BRWD1: variants seen among roughly 807,000 people sequenced by gnomAD.
The protein encoded by BRWD1 is bromodomain and WD repeat domain containing 1.
A neutral mutation model predicts 251.2 loss-of-function variants in BRWD1; 82 were observed. The ratio of observed to expected loss-of-function variants is 0.33; its 90% confidence interval spans 0.27 to 0.39. BRWD1 has a LOEUF of 0.39. Ranked by LOEUF, BRWD1 falls within the 10% of genes least tolerant of loss-of-function variation. The pLI is 1.00. For missense variants in BRWD1, 2,233 were observed against 2,711.6 expected (o/e 0.82, Z 3.92); for synonymous variants, 918 against 902.8 (o/e 1.02, Z -0.30).
chr21:39,317,725 A>C (rs1264359501), upstream of BRWD1, among the ~76,000 whole-genome samples: 1 of 152,218 alleles, frequency 6.6e-6, no homozygotes. Context: ...TACCGCAGGC[A>C]ACTCTTAGAT....
chr21:39,227,669 T>A (rs1054404887), intron 27 of BRWD1, among the ~76,000 whole-genome samples: 2 of 152,214 alleles, frequency 1.3e-5, no homozygotes, highest in African/African-American at 4.8e-5. Flanking sequence ...GCAAAGTGTA[T>A]ATGAATTTTT....
Position 39,199,029 on chromosome 21 carries a change from C to T in BRWD1, c.5387G>A (p.Gly1796Glu). The T allele has an allele frequency of 1.2e-6, 2 of 1,614,158 alleles. No individual in the cohort carries two copies. Among genetic ancestry groups the T allele is most frequent in the Non-Finnish European group, 1.7e-6 (2 of 1,180,036 alleles). The part of the protein sequence containing the change: ...SISEEADSEP[G>E]RSGGRKYNTF... ...ATTGTATTTCCTACCACCAGATCTT[C>T]CTGGTTCAGAATCTGCTTCCTCTGA... The change falls in exon 40 of 41, where the codon GGA becomes GAA. Residue 1796 changes from glycine (G) to glutamate (E), a missense_variant. By Grantham distance (98) the Gly-to-Glu change is moderately conservative. This residue lies in a region of BRWD1 where 928 missense variants were observed against 970.0 expected (regional missense o/e 0.96). Transcript: ENST00000342449.
At chr21:39,298,405 G>C in intron 5 of BRWD1, 27 bp downstream of exon 5, 1 of 1,555,834 alleles carries the variant, frequency 6.4e-7, no homozygotes, top group Non-Finnish European at 8.6e-7. Context: ...TTAATACAAA[G>C]CAGAACACTT....
At position 39,313,449 on chromosome 21, in the gene BRWD1, C is replaced by T; in HGVS notation, c.43G>A (p.Glu15Lys). ...GCACGGCCTCGCGTCTTACCCGACTCGATGAGAGGCACCGGGCGTCGGGCG... is the reference window on the plus strand; with the variant it reads ...GCACGGCCTCGCGTCTTACCCGACTTGATGAGAGGCACCGGGCGTCGGGCG... ...SSARRPVPLI[E>K]SELYFLIARY... The change falls in exon 1 of 41, where the codon GAG (glutamate) becomes AAG (lysine). Residue 15 changes from glutamate to lysine, a missense_variant. Physicochemically the swap from Glu to Lys is moderately conservative, Grantham distance 56. Around this residue, in one of 12 missense-constraint regions of BRWD1, gnomAD observed 101 missense variants for 95.6 expected, o/e 1.06. Transcript: ENST00000342449. 2 of 1,360,298 alleles carry T rather than the reference C, an allele frequency of 1.5e-6. No individual in the cohort carries two copies. Among genetic ancestry groups the T allele is most frequent in the Non-Finnish European group, 9.4e-7 (1 of 1,060,602 alleles). The allele number at this position is 1,360,298 out of a possible 1,614,324, so 84.3% of individuals were successfully genotyped here.
At chr21:39,309,704 AGTCCCAGCTACTCGG>A (rs1450064858) in intron 4 of BRWD1, among the ~76,000 whole-genome samples, 1 of 151,702 alleles carries the variant, frequency 6.6e-6, no homozygotes, top group Admixed American at 6.6e-5. Context: ...GGACGCCTGT[AGTCCCAGCTACTCGG>A]GAGGCTGAGG....
At position 39,200,239 on chromosome 21, in the gene BRWD1, C is replaced by G. The variant is rs2032041212; in HGVS notation, c.4733G>C (p.Arg1578Thr). 2 of 1,613,124 alleles carry G rather than the reference C, an allele frequency of 1.2e-6. No homozygotes were observed. Among genetic ancestry groups the G allele is most frequent in the Non-Finnish European group, 1.7e-6 (2 of 1,179,712 alleles). ...RSSNLRVTRT[R>T]AAQRKTGPVS... is the part of the protein sequence containing the mutation. Reference sequence around the variant, plus strand: ...CTTACCAGTTTTTCTTTGAGCAGCTCTAGTTCTGGTTACCCTGAGATTGCT... The same window carrying G: ...CTTACCAGTTTTTCTTTGAGCAGCTGTAGTTCTGGTTACCCTGAGATTGCT... Residue 1578 changes from arginine (R) to threonine (T), a missense_variant, in exon 39 of 41, where the codon AGA becomes ACA. This residue lies in a region of BRWD1 where 928 missense variants were observed against 970.0 expected (regional missense o/e 0.96). Coordinates refer to ENST00000342449, the MANE Select transcript of BRWD1 (RefSeq NM_033656.4).
Position 39,189,775 on chromosome 21 carries a change from T to C in BRWD1, c.*6484A>G, listed in dbSNP as rs1568845200. ...TTCTCAAGAAAACTACAAACAGTTT[T>C]AGAAATATATATAGGATATTTCAGG... On this transcript the variant is annotated 3_prime_UTR_variant, in exon 41 of 41. Coordinates refer to ENST00000342449, the MANE Select transcript of BRWD1 (RefSeq NM_033656.4). The C allele has an allele frequency of 1.0e-6, 1 of 984,206 alleles. No individual in the cohort carries two copies. Among genetic ancestry groups the C allele is most frequent in the Non-Finnish European group, 1.2e-6 (1 of 828,926 alleles). The allele number at this position is 984,206 out of a possible 1,614,324, so 61.0% of individuals were successfully genotyped here.
chr21:39,203,301 A>G (rs922704854), intron 37 of BRWD1, among the ~76,000 whole-genome samples: 2 of 152,116 alleles, frequency 1.3e-5, no homozygotes, highest in South Asian at 2.1e-4. Flanking sequence ...AAAATTTAAA[A>G]ATTAGCTGGG....
At chr21:39,315,970 A>G (rs1018867887), upstream of BRWD1, among the ~76,000 whole-genome samples, 5 of 152,218 alleles carry the variant, frequency 3.3e-5, no homozygotes, top group African/African-American at 1.2e-4. Context: ...AGACATGAAT[A>G]TGATTTCTAG....
At chr21:39,236,012 C>G (rs985810164) in intron 23 of BRWD1, 1 of 210,972 alleles carries the variant, frequency 4.7e-6, no homozygotes, top group South Asian at 9.7e-5. Flanking sequence ...CATAGGGCAA[C>G]AGGGCCAATC....
chr21:39,284,189 G>T (rs375541097), intron 8 of BRWD1, among the ~76,000 whole-genome samples: 35 of 152,178 alleles, frequency 2.3e-4, no homozygotes, highest in Admixed American at 1.1e-3. Context: ...TTTTTGTGAA[G>T]AACCTCCAGC....
Position 39,194,133 on chromosome 21 carries a change from G to A in BRWD1, c.*2126C>T, listed in dbSNP as rs2031692644. Reference sequence around the variant, plus strand: ...TGAAAGAAAAAATGGTAATTGGATGGCCAGTCAATGACCAATTAATGCAGT... The same window carrying A: ...TGAAAGAAAAAATGGTAATTGGATGACCAGTCAATGACCAATTAATGCAGT... On this transcript the variant is annotated 3_prime_UTR_variant, in exon 41 of 41. Transcript: ENST00000342449. The A allele has an allele frequency of 8.1e-6, 8 of 984,952 alleles. No individual in the cohort carries two copies. In the South Asian group the frequency reaches 3.8e-4, roughly 46 times the overall value. The allele number at this position is 984,952 out of a possible 1,614,324, so 61.0% of individuals were successfully genotyped here.
chr21:39,312,676 CA>C, intron 4 of BRWD1, 164 bp downstream of exon 4: 2 of 451,322 alleles, frequency 4.4e-6, no homozygotes, highest in Non-Finnish European at 8.0e-6. Context: ...CTGGCCGCCT[CA>C]AAAACAAAAC....
chr21:39,257,119 C>T (rs889275904), intron 18 of BRWD1, among the ~76,000 whole-genome samples: 9 of 147,582 alleles, frequency 6.1e-5, no homozygotes, highest in African/African-American at 2.3e-4. Context: ...CTTATAACAG[C>T]AAAGCATAAG....
downstream of BRWD1, chr21:39,184,797 G>A (rs766138522): frequency 3.3e-5 from 5 of 152,246 alleles, no homozygotes; most frequent in East Asian, 1.9e-4. Context: ...TAGTGAGATA[G>A]AATAAACAAG....
At chr21:39,273,720 C>A (rs1401897176) in intron 13 of BRWD1, among the ~76,000 whole-genome samples, 3 of 152,150 alleles carry the variant, frequency 2.0e-5, no homozygotes, top group African/African-American at 7.2e-5. Flanking sequence ...ACCACTGGCG[C>A]TCCAGCCTGG....
At chr21:39,258,753 C>T in intron 17 of BRWD1, 81 bp from the exon 18 acceptor site, 1 of 928,992 alleles carries the variant, frequency 1.1e-6, no homozygotes, top group African/African-American at 1.7e-5. Context: ...AATTAAAATA[C>T]ATTAACAATG....
intron 34 of BRWD1, among the ~76,000 whole-genome samples, chr21:39,212,253 T>C (rs200021209): frequency 6.6e-6 from 1 of 152,320 alleles, no homozygotes; most frequent in African/African-American, 2.4e-5. Context: ...GGCTGTTCAA[T>C]TGATTCTCTA....
At chr21:39,226,585 T>C (rs2033392339) in intron 27 of BRWD1, among the ~76,000 whole-genome samples, 2 of 152,210 alleles carry the variant, frequency 1.3e-5, no homozygotes, top group Non-Finnish European at 2.9e-5. Flanking sequence ...TGGGAAGCTT[T>C]AAAGTTATTT....
Sources: gnomAD v4.1 joint callset for allele counts (sites outside exome capture counted in the v4.1 genomes callset) on GRCh38, gnomAD v4.1.1 for gene constraint, gnomAD v4.1.1 regional missense constraint, MANE v1.5 for transcripts, NCBI Gene and HGNC (gene_info 2026-07-23, HGNC 2026-07-21) for gene names.